ACOXL: variants seen among roughly 807,000 people sequenced by gnomAD.
ACOXL encodes acyl-coenzyme A oxidase-like protein.
ACOXL carries 70 observed loss-of-function variants against 71.9 expected under a neutral mutation model. The ratio of observed to expected loss-of-function variants is 0.97; its 90% CI spans 0.80 to 1.19. The LOEUF is 1.19. ACOXL is among the 50% of genes most tolerant of loss of function. The pLI is 0.00. For synonymous variants in ACOXL, 253 were observed against 281.6 expected (o/e 0.90, Z 1.02); for missense variants, 703 against 736.3 (o/e 0.95, Z 0.52).
chr2:110,810,416 C>T (rs917094518), intron 9 of ACOXL, among the ~76,000 whole-genome samples: 1 of 152,124 alleles, frequency 6.6e-6, no homozygotes, highest in African/African-American at 2.4e-5. Context: ...TTTTACTCTT[C>T]TAACCTTCCT....
intron 2 of ACOXL, among the ~76,000 whole-genome samples, chr2:110,771,530 C>T (rs2105026685): frequency 6.6e-6 from 1 of 152,324 alleles, no homozygotes; most frequent in East Asian, 1.9e-4. Flanking sequence ...CACTCCAGGT[C>T]TCTATGGACA....
intron 14 of ACOXL, among the ~76,000 whole-genome samples, chr2:111,015,733 G>A (rs2064394181): frequency 6.6e-6 from 1 of 152,092 alleles, no homozygotes; most frequent in African/African-American, 2.4e-5. Context: ...TGTTCAACAT[G>A]ACACTAGATA....
chr2:110,959,713 G>A lies in ACOXL; in HGVS notation c.1059+26071G>A, dbSNP rs74963542. On this transcript the variant is annotated intron_variant, in intron 12 of 17. Transcript: ENST00000439055. ...ACCCCCTGAGAATGAGGGATGCTGGGACACTCCCCAGGATCAGCATTCAGC... is the reference window on the plus strand; with the variant it reads ...ACCCCCTGAGAATGAGGGATGCTGGAACACTCCCCAGGATCAGCATTCAGC... Among the ~76,000 whole-genome samples the A allele has an allele frequency of 3.0e-4, 45 of 152,262 alleles. No individual in the cohort carries two copies. The East Asian group carries it at 8.1e-3, about 27-fold the overall frequency.
intron 17 of ACOXL, among the ~76,000 whole-genome samples, chr2:111,116,529 T>C (rs1410792034): frequency 6.6e-6 from 1 of 152,148 alleles, no homozygotes; most frequent in Non-Finnish European, 1.5e-5. Flanking sequence ...CGTTTTGGAC[T>C]GCTGCAAGGG....
rs569957197 is a variant in ACOXL at position 110,764,832 on chromosome 2, C to A, written c.-22-3536C>A. ...GCTCTAAAAAAGTCTATTAAAAACC[C>A]ATAATAAGTAATCTAGTCTACTATA... On this transcript the variant is annotated intron_variant, in intron 1 of 17. Transcript: ENST00000439055. 2.0e-5 allele frequency among the ~76,000 whole-genome samples: 3 copies of A among 152,240 alleles called. No homozygotes were observed. In the East Asian group the frequency reaches 5.8e-4, roughly 29 times the overall value.
chr2:110,927,133 C>A (rs1163892215), intron 11 of ACOXL, among the ~76,000 whole-genome samples: 6 of 152,100 alleles, frequency 3.9e-5, no homozygotes, highest in East Asian at 1.9e-4. Context: ...CCCATGTCAG[C>A]AGGAGAGAGA....
chr2:111,054,330 A>C (rs1464930603), intron 16 of ACOXL, among the ~76,000 whole-genome samples: 2 of 152,174 alleles, frequency 1.3e-5, no homozygotes, highest in African/African-American at 4.8e-5. Flanking sequence ...TTCTAGGTGG[A>C]GGGCTGGCTG....
intron 5 of ACOXL, chr2:110,795,999 A>C (rs188715846): frequency 7.2e-5 from 11 of 152,096 alleles, no homozygotes; most frequent in Admixed American, 6.5e-4. Context: ...TCTGGTGAAC[A>C]CTGTCTCCCG....
intron 12 of ACOXL, among the ~76,000 whole-genome samples, chr2:110,938,062 G>A (rs2060730981): frequency 1.3e-5 from 2 of 152,188 alleles, no homozygotes; most frequent in South Asian, 4.1e-4. Context: ...CCAGCACGAC[G>A]AGGCAGGCCC....
At position 111,084,730 on chromosome 2, in the gene ACOXL, TA is replaced by T. The variant is rs78275340; in HGVS notation, c.1441-8132del. Among the ~76,000 whole-genome samples the T allele has an allele frequency of 2.0e-3, 300 of 152,120 alleles. 6 individuals are homozygous for T. The East Asian group carries it at 0.047, about 24-fold the overall frequency. On this transcript the variant is annotated intron_variant, in intron 16 of 17. Transcript: ENST00000439055. ...AATCCACACATATCAATACTAACCTTAAATGTAAATGGACTAAATGACCCAA... is the reference window on the plus strand; with the variant it reads ...AATCCACACATATCAATACTAACCTTAATGTAAATGGACTAAATGACCCAA...
At chr2:111,114,581 A>T (rs2070211709) in intron 17 of ACOXL, among the ~76,000 whole-genome samples, 1 of 152,168 alleles carries the variant, frequency 6.6e-6, no homozygotes, top group African/African-American at 2.4e-5. Context: ...ACATATGGGA[A>T]GAGGCAGGAA....
intron 8 of ACOXL, among the ~76,000 whole-genome samples, chr2:110,802,732 G>T (rs1686151441): frequency 6.6e-6 from 1 of 152,216 alleles, no homozygotes. Flanking sequence ...GGCTGGGAAA[G>T]GTAGGGAGGA....
rs143422664 is a variant in ACOXL at position 110,809,054 on chromosome 2, A to G, written c.753+3659A>G. On this transcript the variant is annotated intron_variant, in intron 9 of 17. Transcript: ENST00000439055. ...CTTAGCAGAGGGAAGCCCTCAGTGC[A>G]TGTTGGTTCTTGTGCTCCCACATAC... Among the ~76,000 whole-genome samples the G allele has an allele frequency of 7.2e-5, 11 of 152,298 alleles. No individual in the cohort carries two copies. The East Asian group carries it at 2.1e-3, about 29-fold the overall frequency.
rs569467927 is a variant in ACOXL, at chr2:110,818,223, C to T, written c.753+12828C>T. Among the ~76,000 whole-genome samples, 11 of 151,664 alleles carry T rather than the reference C, an allele frequency of 7.3e-5. No homozygotes were observed. In the East Asian group the frequency reaches 2.1e-3, roughly 29 times the overall value. ...CAGCCTGGTCAACATGAAACCCCATCTCTACTAAAATTACAAAAATTAGCC... is the reference window on the plus strand; with the variant it reads ...CAGCCTGGTCAACATGAAACCCCATTTCTACTAAAATTACAAAAATTAGCC... On this transcript the variant is annotated intron_variant, in intron 9 of 17. Coordinates refer to ENST00000439055, the MANE Select transcript of ACOXL (RefSeq NM_001142807.4).
chr2:110,863,178 A>G (rs536545448), intron 10 of ACOXL, among the ~76,000 whole-genome samples: 49 of 152,234 alleles, frequency 3.2e-4, no homozygotes, highest in Non-Finnish European at 6.0e-4. Context: ...TAATATACAA[A>G]ATTGGAAACA....
chr2:110,809,364 G>A (rs375182642), intron 9 of ACOXL, among the ~76,000 whole-genome samples: 4 of 152,302 alleles, frequency 2.6e-5, no homozygotes, highest in East Asian at 3.9e-4. Context: ...GCTGAGCTGC[G>A]GGGCTGCATG....
intron 13 of ACOXL, among the ~76,000 whole-genome samples, chr2:110,989,212 A>G (rs1481690349): frequency 6.6e-6 from 1 of 152,138 alleles, no homozygotes; most frequent in South Asian, 2.1e-4. Context: ...CTTTGTGGAC[A>G]GTCAGTTGTT....
chr2:110,823,873 C>G (rs1688895576), intron 9 of ACOXL, among the ~76,000 whole-genome samples: 1 of 152,040 alleles, frequency 6.6e-6, no homozygotes, highest in Non-Finnish European at 1.5e-5. Flanking sequence ...GGATATCAGT[C>G]CTTTGTTAGG....
chr2:111,013,483 A>G (rs888210074), intron 14 of ACOXL, among the ~76,000 whole-genome samples: 1 of 143,070 alleles, frequency 7.0e-6, no homozygotes, highest in African/African-American at 2.6e-5. Flanking sequence ...AGATCACCCC[A>G]CTGCACTCCA....
Sources: allele counts gnomAD v4.1 joint callset (sites outside exome capture counted in the v4.1 genomes callset), GRCh38; gene constraint gnomAD v4.1.1; transcripts MANE v1.5; gene names NCBI Gene and HGNC (gene_info 2026-07-23, HGNC 2026-07-21).